Variants in PXK observed in about 807,000 individuals in gnomAD.
The protein encoded by PXK is PX domain-containing protein kinase-like protein.
Under a neutral mutation model 84.7 loss-of-function variants are expected in PXK, and 35 were observed. The observed-to-expected ratio is 0.41, with a 90% confidence interval of 0.32 to 0.55. The LOEUF (loss-of-function observed/expected upper bound fraction) is 0.55. Ranked by LOEUF, PXK falls within the 20% of genes least tolerant of loss-of-function variation. PXK has a pLI of 0.21. For synonymous variants in PXK, 253 were observed against 260.8 expected (o/e 0.97, Z 0.29); for missense variants, 634 against 699.7 (o/e 0.91, Z 1.06).
rs778297605 is a variant in PXK at position 58,420,500 on chromosome 3, GT to G, written c.1529-4251del. 82 of 1,534,924 alleles carry G rather than the reference GT, an allele frequency of 5.3e-5. No homozygotes were observed. The Admixed American group carries it at 7.7e-4, about 14-fold the overall frequency. On this transcript the variant is annotated intron_variant, in intron 17 of 17. Coordinates refer to ENST00000356151, the MANE Select transcript of PXK (RefSeq NM_017771.5). The stretch of plus-strand genomic sequence containing the variant: ...CACTAAAATCTGAATAATGACTTGT[GT>G]CCCCCCTTTCTCTCTCTCTCTTTGC...
At chr3:58,413,920 C>T (rs1033727367) in intron 17 of PXK, 9 of 152,188 alleles carry the variant, frequency 5.9e-5, no homozygotes, top group African/African-American at 1.9e-4. Context: ...AACTGACCCT[C>T]CTAAGAAAAT....
chr3:58,341,579 A>G (rs978852369), intron 1 of PXK, among the ~76,000 whole-genome samples: 1 of 152,096 alleles, frequency 6.6e-6, no homozygotes, highest in Non-Finnish European at 1.5e-5. Context: ...AAACAAAACA[A>G]AACTTTATAT....
rs182482318 is a variant in PXK at position 58,416,694 on chromosome 3, C to A, written c.1528+3731C>A. On this transcript the variant is annotated intron_variant, in intron 17 of 17. Coordinates refer to ENST00000356151, the MANE Select transcript of PXK (RefSeq NM_017771.5). This position sits in a 1 kb window ranked among gnomAD's most constrained non-coding sequence, Gnocchi z 4.8. ...GGAATACAGTCGTGAGATCTCGGCTCACTGCAACTTCCGCCTCCTGGGTTC... is the reference window on the plus strand; with the variant it reads ...GGAATACAGTCGTGAGATCTCGGCTAACTGCAACTTCCGCCTCCTGGGTTC... 3.6e-4 allele frequency among the ~76,000 whole-genome samples: 53 copies of A among 148,218 alleles called. No homozygotes were observed. Among genetic ancestry groups the A allele is most frequent in the Non-Finnish European group, 6.9e-4 (46 of 66,394 alleles).
chr3:58,409,943 T>C lies in PXK; in HGVS notation c.1396-147T>C. On this transcript the variant is annotated intron_variant, in intron 15 of 17. Transcript: ENST00000356151. This position sits in a 1 kb window ranked among gnomAD's most constrained non-coding sequence, Gnocchi z 4.2. ...TTAGTTTTGGCTGTGACTTCTTCACTGTGTTAAGTTATGGGGCTGAATATT... is the reference window on the plus strand; with the variant it reads ...TTAGTTTTGGCTGTGACTTCTTCACCGTGTTAAGTTATGGGGCTGAATATT... The C allele has an allele frequency of 3.2e-6, 2 of 615,690 alleles. No individual in the cohort carries two copies. Among genetic ancestry groups the C allele is most frequent in the South Asian group, 4.2e-5 (2 of 47,646 alleles). 38.1% of individuals were successfully genotyped at this position (615,690 alleles called of 1,614,324 possible). A position where few individuals can be genotyped will look rare whatever the true frequency, so the allele number is the denominator to read the frequency against.
intron 1 of PXK, among the ~76,000 whole-genome samples, chr3:58,351,288 C>T (rs1425574653): frequency 6.6e-6 from 1 of 152,068 alleles, no homozygotes; most frequent in Non-Finnish European, 1.5e-5. Context: ...CTCACGGCAG[C>T]CTCCATCTCC....
intron 3 of PXK, among the ~76,000 whole-genome samples, chr3:58,369,706 C>T (rs1451759590): frequency 6.6e-6 from 1 of 152,028 alleles, no homozygotes; most frequent in African/African-American, 2.4e-5. Context: ...TGCCTGTAAT[C>T]CTAGCTACTT....
chr3:58,371,462 T>C (rs1425748916), intron 3 of PXK, among the ~76,000 whole-genome samples: 1 of 152,256 alleles, frequency 6.6e-6, no homozygotes, highest in Non-Finnish European at 1.5e-5. Flanking sequence ...ACTAACTGTT[T>C]CTGCCTTTAT....
Position 58,398,095 on chromosome 3 carries a change from G to A in PXK, c.1102+373G>A, listed in dbSNP as rs2057988258. Among the ~76,000 whole-genome samples, 1 of 152,204 alleles carries A rather than the reference G, an allele frequency of 6.6e-6. No individual in the cohort carries two copies. The highest frequency in any genetic ancestry group is 1.5e-5 in the Non-Finnish European group (1 of 68,044). ...TGTCAGACGTCAGATCAAGACTGAA[G>A]TGAGACTTGTAAGAAACAAGAGAGG... On this transcript the variant is annotated intron_variant, in intron 11 of 17. Transcript: ENST00000356151. The surrounding 1 kb of genome is among the most constrained non-coding windows in gnomAD (Gnocchi z 4.5).
At chr3:58,358,158 C>T (rs1204251709) in intron 1 of PXK, among the ~76,000 whole-genome samples, 1 of 152,138 alleles carries the variant, frequency 6.6e-6, no homozygotes, top group African/African-American at 2.4e-5. Flanking sequence ...GTGGTGAGAA[C>T]ATTTAAAATC....
chr3:58,418,102 A>G (rs540443122), intron 17 of PXK, among the ~76,000 whole-genome samples: 18 of 152,340 alleles, frequency 1.2e-4, no homozygotes, highest in Non-Finnish European at 2.4e-4. Context: ...TACAGGCATG[A>G]GCCACCCACA....
intron 1 of PXK, among the ~76,000 whole-genome samples, chr3:58,334,959 C>CTGTGTGTGTGTGTGTGTCTG (rs2097563376): frequency 8.0e-6 from 1 of 125,550 alleles, no homozygotes; most frequent in Non-Finnish European, 1.7e-5. Context: ...GTGTGTGTGT[C>CTGTGTGTGTGTGTGTGTCTG]TGTGTGTGTG....
In PXK at chr3:58,411,808, C is replaced by T. The variant is rs75674539; in HGVS notation, c.1466-1093C>T. 1.4e-3 allele frequency among the ~76,000 whole-genome samples: 220 copies of T among 152,248 alleles called. 5 individuals carry two copies. In the East Asian group the frequency reaches 0.037, roughly 26 times the overall value. ...TCCCCATTAAAGTTCATTAGCACTA[C>T]GAACAGTATAAAGACAGCATGCATT... On this transcript the variant is annotated intron_variant, in intron 16 of 17. Transcript: ENST00000356151. This position sits in a 1 kb window ranked among gnomAD's most constrained non-coding sequence, Gnocchi z 4.2.
intron 7 of PXK, among the ~76,000 whole-genome samples, chr3:58,392,094 T>G (rs544997809): frequency 3.4e-4 from 52 of 152,016 alleles, no homozygotes; most frequent in Non-Finnish European, 6.0e-4. Flanking sequence ...AAGATGAGAG[T>G]AGGGAAGCAG....
chr3:58,413,304 G>A (rs1560125754), intron 17 of PXK: 1 of 295,348 alleles, frequency 3.4e-6, no homozygotes, highest in Non-Finnish European at 6.5e-6. Context: ...GTGGCCCAGG[G>A]GTCCCGTCCT....
Position 58,332,975 on chromosome 3 carries a change from C to T in PXK, c.-14C>T, listed in dbSNP as rs1269231432. 2 of 1,351,896 alleles carry T rather than the reference C, an allele frequency of 1.5e-6. No homozygotes were observed. The highest frequency in any genetic ancestry group is 1.9e-6 in the Non-Finnish European group (2 of 1,038,746). 83.7% of individuals were successfully genotyped at this position (1,351,896 alleles called of 1,614,324 possible). ...ACCTCGCGTCCCTAGGCGGCGGCGGCCGGGCGTCCCGGGATGGCCTTCATG... is the reference window on the plus strand; with the variant it reads ...ACCTCGCGTCCCTAGGCGGCGGCGGTCGGGCGTCCCGGGATGGCCTTCATG... On this transcript the variant is annotated 5_prime_UTR_variant, in exon 1 of 18. Coordinates refer to ENST00000356151, the MANE Select transcript of PXK (RefSeq NM_017771.5). This position sits in a 1 kb window ranked among gnomAD's most constrained non-coding sequence, Gnocchi z 5.6.
In PXK at chr3:58,398,995, C is replaced by A. The variant is rs1342678627; in HGVS notation, c.1103-304C>A. ...TTTTACTTCTGTGTAGTGTTTACAT[C>A]TCTTTCAAGAGAACAAACACTTTTA... On this transcript the variant is annotated intron_variant, in intron 11 of 17. Coordinates refer to ENST00000356151, the MANE Select transcript of PXK (RefSeq NM_017771.5). This position sits in a 1 kb window ranked among gnomAD's most constrained non-coding sequence, Gnocchi z 4.5. 1.3e-5 allele frequency among the ~76,000 whole-genome samples: 2 copies of A among 152,218 alleles called. No homozygotes were observed. Among genetic ancestry groups the A allele is most frequent in the Middle Eastern group, 3.2e-3 (1 of 316 alleles).
At chr3:58,381,602 A>G (rs568444199) in intron 3 of PXK, among the ~76,000 whole-genome samples, 2 of 151,862 alleles carry the variant, frequency 1.3e-5, no homozygotes, top group African/African-American at 4.8e-5. Context: ...AGGAAAAGTA[A>G]GCATGGCTCT....
In PXK at chr3:58,390,877, A is replaced by C. The variant is rs2098623236; in HGVS notation, c.466+218A>C. On this transcript the variant is annotated intron_variant, in intron 5 of 17. Coordinates refer to ENST00000356151, the MANE Select transcript of PXK (RefSeq NM_017771.5). This position sits in a 1 kb window ranked among gnomAD's most constrained non-coding sequence, Gnocchi z 4.2. ...GCATTTGGATGGTAATAACTTTCAG[A>C]AACACCATTCCTTCTTCATCTATCT... Among the ~76,000 whole-genome samples the C allele has an allele frequency of 6.6e-6, 1 of 152,246 alleles. No individual in the cohort carries two copies. The highest frequency in any genetic ancestry group is 1.5e-5 in the Non-Finnish European group (1 of 68,046).
chr3:58,404,688 G>T (rs1371435542), intron 13 of PXK, among the ~76,000 whole-genome samples: 1 of 152,210 alleles, frequency 6.6e-6, no homozygotes, highest in Non-Finnish European at 1.5e-5. Flanking sequence ...GCTCTTGGCA[G>T]TGCTCACTAT....
Sources: gnomAD v4.1 joint callset for allele counts (sites outside exome capture counted in the v4.1 genomes callset) on GRCh38, gnomAD v4.1.1 for gene constraint, Gnocchi (gnomAD v3.1) non-coding constraint, MANE v1.5 for transcripts, NCBI Gene and HGNC (gene_info 2026-07-23, HGNC 2026-07-21) for gene names.